The following PRKN variants were observed in gnomAD, a reference collection of about 807,000 sequenced individuals.
The protein encoded by PRKN is parkin RBR E3 ubiquitin protein ligase.
In PRKN, 56 loss-of-function variants were observed where a neutral mutation model predicts 59.5. That is an observed-to-expected ratio of 0.94 (90% CI 0.76 to 1.18). The LOEUF is 1.18. Ranked by LOEUF, PRKN falls within the 50% of genes most tolerant of loss-of-function variation. PRKN has a pLI of 0.00. For missense variants in PRKN, 657 were observed against 596.4 expected, an observed-to-expected ratio of 1.10 and a Z score of -1.06; for synonymous variants, 250 against 222.1, an observed-to-expected ratio of 1.13 and a Z score of -1.12.
At chr6:161,999,267 A>G (rs1193485608) in intron 5 of PRKN, among the ~76,000 whole-genome samples, 1 of 152,030 alleles carries the variant, frequency 6.6e-6, no homozygotes, top group Non-Finnish European at 1.5e-5. Context: ...AAAATTGACA[A>G]CCTGCTTGGG....
At chr6:162,721,938 GAAC>G (rs775248568) in intron 1 of PRKN, among the ~76,000 whole-genome samples, 4 of 152,174 alleles carry the variant, frequency 2.6e-5, no homozygotes, top group Admixed American at 6.5e-5. Context: ...AGAATCAAAT[GAAC>G]AAAAGAAACA....
chr6:161,499,795 AT>A lies in PRKN; in HGVS notation c.1083+49058del, dbSNP rs149972483. Among the ~76,000 whole-genome samples the A allele has an allele frequency of 0.081, 12,309 of 152,256 alleles. 729 individuals are homozygous for A. Among genetic ancestry groups the A allele is most frequent in the African/African-American group, 0.16 (6,668 of 41,516 alleles). On this transcript the variant is annotated intron_variant, in intron 9 of 11. Coordinates refer to ENST00000366898, the MANE Select transcript of PRKN (RefSeq NM_004562.3). The surrounding 1 kb of genome is among the most constrained non-coding windows in gnomAD (Gnocchi z 4.2). ...ACCAAGTTCTACGAATGGGTAAAGA[AT>A]TTTTATTCTCTTCTAGCTTTGAAAG... is the stretch of plus-strand genomic sequence containing the variant.
intron 9 of PRKN, among the ~76,000 whole-genome samples, chr6:161,500,788 A>G (rs760364396): frequency 6.6e-6 from 1 of 152,136 alleles, no homozygotes; most frequent in Non-Finnish European, 1.5e-5. Flanking sequence ...AGTTGTATAC[A>G]TAAGTTTTCA....
In PRKN at chr6:161,828,180, T is replaced by C. The variant is rs73785425; in HGVS notation, c.735-42272A>G. Among the ~76,000 whole-genome samples the C allele has an allele frequency of 3.5e-3, 527 of 152,284 alleles. 6 individuals are homozygous for C. The highest frequency in any genetic ancestry group is 0.012 in the African/African-American group (501 of 41,556). On this transcript the variant is annotated intron_variant, in intron 6 of 11. Coordinates refer to ENST00000366898, the MANE Select transcript of PRKN (RefSeq NM_004562.3). ...GTAACCTGCAAAATACTGTAGGCAA[T>C]AACAGAAGTAACAGACCCTGCTCCT...
At chr6:161,829,865 A>T (rs1351004552) in intron 6 of PRKN, among the ~76,000 whole-genome samples, 1 of 148,108 alleles carries the variant, frequency 6.8e-6, no homozygotes, top group Non-Finnish European at 1.5e-5. Context: ...AAAAAAAAAA[A>T]AAAATGCCAA....
rs11293379 is a variant in PRKN at position 161,372,825 on chromosome 6, ATTTTTTTTT to A, written c.1168-12629_1168-12621del. On this transcript the variant is annotated intron_variant, in intron 10 of 11. Coordinates refer to ENST00000366898, the MANE Select transcript of PRKN (RefSeq NM_004562.3). This position sits in a 1 kb window ranked among gnomAD's most constrained non-coding sequence, Gnocchi z 4.2. Reference sequence around the variant, plus strand: ...TGGTCAACAAAGACAGAGAGACCCTATTTTTTTTTTTTTTTTTTTTTTGAGACAGGGTCT... The same window carrying A: ...TGGTCAACAAAGACAGAGAGACCCTATTTTTTTTTTTTTGAGACAGGGTCT... 1.7e-5 allele frequency among the ~76,000 whole-genome samples: 2 copies of A among 114,440 alleles called. No individual in the cohort carries two copies. The highest frequency in any genetic ancestry group is 3.6e-5 in the Non-Finnish European group (2 of 55,730). 75.1% of individuals were successfully genotyped at this position (114,440 alleles called of 152,430 possible).
intron 7 of PRKN, among the ~76,000 whole-genome samples, chr6:161,742,459 G>C (rs1366030616): frequency 6.6e-6 from 1 of 152,162 alleles, no homozygotes; most frequent in African/African-American, 2.4e-5. Context: ...AGCAGCATGA[G>C]AACAGACTAA....
chr6:161,435,583 C>A (rs1788843581), intron 9 of PRKN, among the ~76,000 whole-genome samples: 1 of 151,882 alleles, frequency 6.6e-6, no homozygotes, highest in African/African-American at 2.4e-5. Flanking sequence ...TTTACCATTG[C>A]AGAAATGGAA....
intron 2 of PRKN, among the ~76,000 whole-genome samples, chr6:162,370,929 G>A (rs927468888): frequency 2.0e-5 from 3 of 152,154 alleles, no homozygotes; most frequent in Non-Finnish European, 2.9e-5. Context: ...AGCATGGAAC[G>A]CAGCTACTCA....
In PRKN at chr6:161,552,198, T is replaced by C. The variant is rs190751930; in HGVS notation, c.934-3195A>G. On this transcript the variant is annotated intron_variant, in intron 8 of 11. Transcript: ENST00000366898. This position sits in a 1 kb window ranked among gnomAD's most constrained non-coding sequence, Gnocchi z 4.9. ...AAGGCAAAGTAGAAAGAATGGTGGA[T>C]TTAAGTTTGGTTGCAGTTTTGCCGG... is the stretch of plus-strand genomic sequence containing the variant. Among the ~76,000 whole-genome samples, 1 of 152,272 alleles carries C rather than the reference T, an allele frequency of 6.6e-6. No individual in the cohort carries two copies. Among genetic ancestry groups the C allele is most frequent in the East Asian group, 1.9e-4 (1 of 5,172 alleles).
intron 1 of PRKN, among the ~76,000 whole-genome samples, chr6:162,489,179 C>T (rs62428841): frequency 0.15 from 23,022 of 152,052 alleles, 1,930 homozygotes; most frequent in Non-Finnish European, 0.18. Context: ...AATCTATGTA[C>T]TGGTATAAAC....
intron 9 of PRKN, among the ~76,000 whole-genome samples, chr6:161,394,478 T>C (rs1407871621): frequency 6.6e-6 from 1 of 152,220 alleles, no homozygotes; most frequent in Non-Finnish European, 1.5e-5. Flanking sequence ...ATTTTTGTTT[T>C]AGGTTTGCTC....
At chr6:161,821,671 G>A (rs1253073495) in intron 6 of PRKN, among the ~76,000 whole-genome samples, 1 of 142,824 alleles carries the variant, frequency 7.0e-6, no homozygotes, top group Non-Finnish European at 1.5e-5. Flanking sequence ...AGCCTTGACT[G>A]AGTATTTTCT....
chr6:161,416,608 C>T (rs193194628), intron 9 of PRKN, among the ~76,000 whole-genome samples: 120 of 152,224 alleles, frequency 7.9e-4, no homozygotes, highest in African/African-American at 2.7e-3. Context: ...CAGTGACCCC[C>T]GACCAGCCTC....
intron 2 of PRKN, among the ~76,000 whole-genome samples, chr6:162,297,174 CTTTTTTT>C (rs10681721): frequency 1.4e-5 from 2 of 139,332 alleles, no homozygotes; most frequent in African/African-American, 5.3e-5. Flanking sequence ...TTTTTCTTTT[CTTTTTTT>C]TTTTTTTTGT....
Position 162,056,648 on chromosome 6 carries a change from T to C in PRKN, c.535-2474A>G, listed in dbSNP as rs1052085958. 1.4e-4 allele frequency among the ~76,000 whole-genome samples: 21 copies of C among 152,294 alleles called. No individual in the cohort carries two copies. Among genetic ancestry groups the C allele is most frequent in the African/African-American group, 5.1e-4 (21 of 41,570 alleles). On this transcript the variant is annotated intron_variant, in intron 4 of 11. Transcript: ENST00000366898. The surrounding 1 kb of genome is among the most constrained non-coding windows in gnomAD (Gnocchi z 4.9). Reference sequence around the variant, plus strand: ...TTGGCCCTTGGCTGGCATCTGGGAATGTGAATTTTGGAAGCGTCCACATCA... The same window carrying C: ...TTGGCCCTTGGCTGGCATCTGGGAACGTGAATTTTGGAAGCGTCCACATCA...
chr6:161,528,288 CAG>C lies in PRKN; in HGVS notation c.1083+20564_1083+20565del, dbSNP rs983119479. 2.6e-5 allele frequency among the ~76,000 whole-genome samples: 4 copies of C among 152,116 alleles called. No homozygotes were observed. In the East Asian group the frequency reaches 5.8e-4, roughly 22 times the overall value. ...AATATCTCCTGATATGTTAAAGAAA[CAG>C]AGTCTTCCATAGCTGTAGTGGGTGC... On this transcript the variant is annotated intron_variant, in intron 9 of 11. Coordinates refer to ENST00000366898, the MANE Select transcript of PRKN (RefSeq NM_004562.3).
chr6:162,503,413 C>G (rs141756550), intron 1 of PRKN, among the ~76,000 whole-genome samples: 1 of 152,060 alleles, frequency 6.6e-6, no homozygotes, highest in Non-Finnish European at 1.5e-5. Context: ...ATCTTCCTGC[C>G]TCAGCCTCCC....
intron 7 of PRKN, among the ~76,000 whole-genome samples, chr6:161,733,798 GTA>G (rs10597402): frequency 0.39 from 47,110 of 121,954 alleles, 10,192 homozygotes; most frequent in Admixed American, 0.55. Flanking sequence ...ATATATATAT[GTA>G]TATATATATA....
Sources: gnomAD v4.1 joint callset for allele counts (sites outside exome capture counted in the v4.1 genomes callset) on GRCh38, gnomAD v4.1.1 for gene constraint, Gnocchi (gnomAD v3.1) non-coding constraint, MANE v1.5 for transcripts, NCBI Gene and HGNC (gene_info 2026-07-23, HGNC 2026-07-21) for gene names.